The following PELI2 variants were observed in gnomAD, a reference collection of about 807,000 sequenced individuals.
The protein encoded by PELI2 is E3 ubiquitin-protein ligase pellino homolog 2.
A neutral mutation model predicts 42.3 loss-of-function variants in PELI2; 23 were observed. That is an observed-to-expected ratio of 0.54 (90% CI 0.39 to 0.77). The LOEUF is 0.77. Among genes scored for constraint, PELI2 ranks in the 30% least tolerant of loss-of-function variants. The pLI, the probability that PELI2 is intolerant of heterozygous loss-of-function variation, is 0.00. For missense variants in PELI2, 463 were observed against 553.2 expected (o/e 0.84, Z 1.64); for synonymous variants, 245 against 212.2 (o/e 1.15, Z -1.34).
intron 2 of PELI2, among the ~76,000 whole-genome samples, chr14:56,245,362 A>G (rs1481667092): frequency 6.6e-6 from 1 of 152,232 alleles, no homozygotes; most frequent in Non-Finnish European, 1.5e-5. Flanking sequence ...CCCAAATGAA[A>G]GATTGTGCTG....
Position 56,197,286 on chromosome 14 carries a change from T to C in PELI2, c.207+18822T>C, listed in dbSNP as rs78220435. The stretch of plus-strand genomic sequence containing the variant: ...CACATATTTAAGTTTTGATGAGTTA[T>C]GAAGGCATACATAGAGTTTAGTCTT... On this transcript the variant is annotated intron_variant, in intron 2 of 5. Coordinates refer to ENST00000267460, the MANE Select transcript of PELI2 (RefSeq NM_021255.3). The surrounding 1 kb of genome is among the most constrained non-coding windows in gnomAD (Gnocchi z 4.9). Among the ~76,000 whole-genome samples the C allele has an allele frequency of 0.017, 2,639 of 152,278 alleles. 81 individuals are homozygous for C. Among genetic ancestry groups the C allele is most frequent in the African/African-American group, 0.06 (2,509 of 41,546 alleles).
intron 2 of PELI2, among the ~76,000 whole-genome samples, chr14:56,198,010 A>ACACACACACACACCCC (rs772024884): frequency 9.6e-5 from 11 of 114,714 alleles, no homozygotes; most frequent in East Asian, 8.7e-4. Flanking sequence ...ACACACACAC[A>ACACACACACACACCCC]CACCCACCTC....
At position 56,296,503 on chromosome 14, in the gene PELI2, T is replaced by C. The variant is rs546241989; in HGVS notation, c.697-97T>C. 5.8e-5 allele frequency: 47 copies of C among 815,148 alleles called. No individual in the cohort carries two copies. The African/African-American group carries it at 6.8e-4, about 12-fold the overall frequency. The allele number at this position is 815,148 out of a possible 1,614,324, so 50.5% of individuals were successfully genotyped here. A position where few individuals can be genotyped will look rare whatever the true frequency, so the allele number is the denominator to read the frequency against. ...TGGGATAAATTGCTTCCCTGTGTTA[T>C]CTTCAAATATTTTTTTGCTTGTTCT... On this transcript the variant is annotated intron_variant, in intron 5 of 5. Transcript: ENST00000267460.
At position 56,219,531 on chromosome 14, in the gene PELI2, C is replaced by T. The variant is rs748890811; in HGVS notation, c.207+41067C>T. On this transcript the variant is annotated intron_variant, in intron 2 of 5. Coordinates refer to ENST00000267460, the MANE Select transcript of PELI2 (RefSeq NM_021255.3). The surrounding 1 kb of genome is among the most constrained non-coding windows in gnomAD (Gnocchi z 4.1). Reference sequence around the variant, plus strand: ...TCTCTCATCTGAGCAGCCTCTCCCTCAATCTTACAAACAGTAGGCATCCAC... The same window carrying T: ...TCTCTCATCTGAGCAGCCTCTCCCTTAATCTTACAAACAGTAGGCATCCAC... 1.6e-4 allele frequency among the ~76,000 whole-genome samples: 24 copies of T among 152,264 alleles called. No individual in the cohort carries two copies. Among genetic ancestry groups the T allele is most frequent in the Admixed American group, 1.2e-3 (18 of 15,302 alleles).
intron 2 of PELI2, among the ~76,000 whole-genome samples, chr14:56,231,317 A>C (rs968516061): frequency 2.6e-5 from 4 of 152,242 alleles, no homozygotes; most frequent in African/African-American, 9.6e-5. Flanking sequence ...TCTTCTCAGC[A>C]CCACATTGCA....
intron 2 of PELI2, among the ~76,000 whole-genome samples, chr14:56,253,778 A>G (rs984743556): frequency 3.3e-5 from 5 of 152,192 alleles, no homozygotes; most frequent in African/African-American, 9.7e-5. Flanking sequence ...ATACTGCCCA[A>G]AAGATTCAGT....
chr14:56,142,991 C>T (rs1280132939), intron 1 of PELI2, among the ~76,000 whole-genome samples: 2 of 152,056 alleles, frequency 1.3e-5, no homozygotes, highest in East Asian at 1.9e-4. Flanking sequence ...AGCAGTGGTA[C>T]AATATTATTG....
intron 1 of PELI2, among the ~76,000 whole-genome samples, chr14:56,142,072 G>GATT (rs1326612537): frequency 2.0e-5 from 3 of 152,110 alleles, no homozygotes; most frequent in African/African-American, 7.2e-5. Flanking sequence ...ATCCCCCTTG[G>GATT]AAATAAGACG....
chr14:56,234,413 A>C (rs1466747196), intron 2 of PELI2, among the ~76,000 whole-genome samples: 1 of 152,234 alleles, frequency 6.6e-6, no homozygotes, highest in Non-Finnish European at 1.5e-5. Flanking sequence ...ATGGAATACT[A>C]TACAGCCACA....
Position 56,122,654 on chromosome 14 carries a change from A to C in PELI2, c.77+3917A>C, listed in dbSNP as rs1400027956. 2.6e-5 allele frequency among the ~76,000 whole-genome samples: 4 copies of C among 152,054 alleles called. No homozygotes were observed. In the East Asian group the frequency reaches 7.7e-4, roughly 29 times the overall value. ...TGTATTTTTATTGGCTCTCTCAACC[A>C]AGGGTTCTTAACCTAGGGTCCACAG... On this transcript the variant is annotated intron_variant, in intron 1 of 5. Coordinates refer to ENST00000267460, the MANE Select transcript of PELI2 (RefSeq NM_021255.3).
chr14:56,235,764 G>C (rs7153858), intron 2 of PELI2, among the ~76,000 whole-genome samples: 140,569 of 152,318 alleles, frequency 0.92, 65,229 homozygotes, highest in African/African-American at 0.98. Context: ...ACATAAGCAT[G>C]TATCCTGCAG....
chr14:56,196,389 A>G (rs1886131390), intron 2 of PELI2, among the ~76,000 whole-genome samples: 1 of 152,212 alleles, frequency 6.6e-6, no homozygotes. Context: ...AGTCTCTGAT[A>G]ATTTGATATC....
intron 1 of PELI2, among the ~76,000 whole-genome samples, chr14:56,174,648 G>A (rs1264190630): frequency 1.3e-5 from 2 of 152,106 alleles, no homozygotes; most frequent in East Asian, 1.9e-4. Flanking sequence ...TCCCCTTCTC[G>A]AGCTTTCTCT....
intron 2 of PELI2, among the ~76,000 whole-genome samples, chr14:56,240,532 G>T (rs181569767): frequency 6.6e-6 from 1 of 152,164 alleles, no homozygotes; most frequent in Admixed American, 6.5e-5. Flanking sequence ...CAGTGAGGGG[G>T]TAACGAAATG....
chr14:56,193,723 A>G (rs1886032783), intron 2 of PELI2, among the ~76,000 whole-genome samples: 1 of 152,236 alleles, frequency 6.6e-6, no homozygotes. Flanking sequence ...CAAGTTTCTG[A>G]CTTTTAAAAC....
intron 2 of PELI2, among the ~76,000 whole-genome samples, chr14:56,257,703 C>T (rs1888571292): frequency 6.6e-6 from 1 of 152,180 alleles, no homozygotes; most frequent in Middle Eastern, 3.2e-3. Context: ...CAACAGGCAG[C>T]TCAGGGCTGT....
intron 2 of PELI2, among the ~76,000 whole-genome samples, chr14:56,255,980 T>C (rs569617522): frequency 1.3e-5 from 2 of 152,292 alleles, no homozygotes; most frequent in African/African-American, 2.4e-5. Flanking sequence ...GGGTGCTCTT[T>C]GTTAGAAAAT....
chr14:56,190,219 A>G (rs10135167), intron 2 of PELI2, among the ~76,000 whole-genome samples: 21 of 152,274 alleles, frequency 1.4e-4, no homozygotes, highest in African/African-American at 5.1e-4. Flanking sequence ...TTATTTTATT[A>G]TTTTACTCTA....
At chr14:56,147,493 C>T (rs1346117152) in intron 1 of PELI2, among the ~76,000 whole-genome samples, 2 of 152,188 alleles carry the variant, frequency 1.3e-5, no homozygotes, top group African/African-American at 4.8e-5. Flanking sequence ...CTTTCTTTGT[C>T]TCTTACTTAA....
Sources: allele counts gnomAD v4.1 joint callset (sites outside exome capture counted in the v4.1 genomes callset), GRCh38; gene constraint gnomAD v4.1.1; non-coding constraint Gnocchi (gnomAD v3.1); transcripts MANE v1.5; gene names NCBI Gene and HGNC (gene_info 2026-07-23, HGNC 2026-07-21).